CTNNBIP1: variants seen among roughly 807,000 people sequenced by gnomAD.
CTNNBIP1 encodes the protein beta-catenin-interacting protein 1.
CTNNBIP1 carries 7 observed loss-of-function variants against 11.8 expected under a neutral mutation model. That is an observed-to-expected ratio of 0.60 (90% confidence interval 0.34 to 1.12). The LOEUF is 1.12. Ranked by LOEUF, CTNNBIP1 falls within the 50% of genes most tolerant of loss-of-function variation. The probability of loss-of-function intolerance (pLI) is 0.03; values close to 1 mark genes in which losing one functional copy is unlikely to be tolerated. For missense variants in CTNNBIP1, 101 were observed against 113.4 expected (o/e 0.89, Z 0.50); for synonymous variants, 58 against 43.9 (o/e 1.32, Z -1.26).
chr1:9,866,222 G>A (rs2101466905), intron 5 of CTNNBIP1, among the ~76,000 whole-genome samples: 1 of 152,350 alleles, frequency 6.6e-6, no homozygotes, highest in Non-Finnish European at 1.5e-5. Flanking sequence ...GCAGGGGGCA[G>A]GGGAGTAAGG....
At chr1:9,864,615 A>G (rs2101462666) in intron 5 of CTNNBIP1, among the ~76,000 whole-genome samples, 1 of 152,310 alleles carries the variant, frequency 6.6e-6, no homozygotes, top group Non-Finnish European at 1.5e-5. Flanking sequence ...GGTGTGAGCC[A>G]CCGTGCCTGG....
intron 5 of CTNNBIP1, among the ~76,000 whole-genome samples, chr1:9,864,492 C>G (rs1266112700): frequency 1.3e-5 from 2 of 152,206 alleles, no homozygotes; most frequent in African/African-American, 4.8e-5. Flanking sequence ...CCACGCCCGG[C>G]TAATTTTTTG....
rs777772805 is a variant in CTNNBIP1 at position 9,870,192 on chromosome 1, C to T, written c.187+995G>A. 2.6e-5 allele frequency among the ~76,000 whole-genome samples: 4 copies of T among 152,362 alleles called. No homozygotes were observed. The South Asian group carries it at 6.2e-4, about 24-fold the overall frequency. On this transcript the variant is annotated intron_variant, in intron 5 of 5. Transcript: ENST00000377263. ...CATGCCAGCCTCAAAGCACAGCAAACGCAGCCGTCAGCACTCTGCTTTCGG... is the reference window on the plus strand; with the variant it reads ...CATGCCAGCCTCAAAGCACAGCAAATGCAGCCGTCAGCACTCTGCTTTCGG...
In CTNNBIP1 at chr1:9,850,617, G is replaced by A. The variant is rs1132236; in HGVS notation, c.*101C>T. ...CAGGGCAGGGTTGGGTAGGGGAAGG[G>A]GGAGGTGGGGCAAGGGGGGCTGCTG... On this transcript the variant is annotated 3_prime_UTR_variant, in exon 6 of 6. Coordinates refer to ENST00000377263, the MANE Select transcript of CTNNBIP1 (RefSeq NM_020248.3). 1 of 1,050,606 alleles carries A rather than the reference G, an allele frequency of 9.5e-7. No individual in the cohort carries two copies. The highest frequency in any genetic ancestry group is 1.5e-6 in the Non-Finnish European group (1 of 670,546). The allele number at this position is 1,050,606 out of a possible 1,614,324, so 65.1% of individuals were successfully genotyped here.
chr1:9,885,192 C>T (rs570871537), intron 1 of CTNNBIP1, among the ~76,000 whole-genome samples: 12 of 152,032 alleles, frequency 7.9e-5, no homozygotes, highest in Non-Finnish European at 1.5e-4. Context: ...ACAGGGAGCG[C>T]ACTGTGGGAT....
chr1:9,907,792 G>A (rs764458782), intron 1 of CTNNBIP1, among the ~76,000 whole-genome samples: 11 of 152,158 alleles, frequency 7.2e-5, no homozygotes, highest in South Asian at 4.1e-4. Context: ...CCACCTCTTC[G>A]TTTCCACTGC....
chr1:9,893,457 C>A (rs1282076742), intron 1 of CTNNBIP1, among the ~76,000 whole-genome samples: 1 of 152,130 alleles, frequency 6.6e-6, no homozygotes, highest in African/African-American at 2.4e-5. Context: ...GTTAAGAGCT[C>A]CCCTGGCAAA....
intron 1 of CTNNBIP1, among the ~76,000 whole-genome samples, chr1:9,889,193 G>A (rs561601186): frequency 3.8e-4 from 58 of 152,302 alleles, no homozygotes; most frequent in Middle Eastern, 6.8e-3. Flanking sequence ...AAAAGAAAGG[G>A]CTCCTTCTGT....
chr1:9,889,704 G>A (rs1242066412), intron 1 of CTNNBIP1, among the ~76,000 whole-genome samples: 1 of 152,188 alleles, frequency 6.6e-6, no homozygotes, highest in Non-Finnish European at 1.5e-5. Flanking sequence ...AGCTCTTTGA[G>A]GACAGACCGG....
intron 5 of CTNNBIP1, among the ~76,000 whole-genome samples, chr1:9,854,887 G>A (rs1351145804): frequency 6.6e-6 from 1 of 152,102 alleles, no homozygotes; most frequent in African/African-American, 2.4e-5. Context: ...ATGTTGTCCA[G>A]GCTGGTCTCG....
intron 1 of CTNNBIP1, among the ~76,000 whole-genome samples, chr1:9,890,801 A>ACGCTTTTT (rs1639286525): frequency 6.6e-6 from 1 of 152,152 alleles, no homozygotes; most frequent in South Asian, 2.1e-4. Context: ...AGGTAGAGGA[A>ACGCTTTTT]CGCTTTTTCT....
At chr1:9,898,216 G>A (rs1463885508) in intron 1 of CTNNBIP1, among the ~76,000 whole-genome samples, 1 of 151,452 alleles carries the variant, frequency 6.6e-6, no homozygotes, top group African/African-American at 2.4e-5. Context: ...AACTCTGCAT[G>A]AAAAAATATA....
intron 2 of CTNNBIP1, among the ~76,000 whole-genome samples, chr1:9,881,393 G>A (rs1031304750): frequency 1.6e-5 from 2 of 128,078 alleles, no homozygotes; most frequent in Admixed American, 1.9e-4. Flanking sequence ...AGGCTGGAGT[G>A]TAATGGCACG....
intron 5 of CTNNBIP1, among the ~76,000 whole-genome samples, chr1:9,861,436 G>A (rs1442944750): frequency 2.0e-5 from 3 of 152,188 alleles, no homozygotes; most frequent in South Asian, 2.1e-4. Context: ...CAGCTCTGAT[G>A]CTCCAGAGTC....
intron 2 of CTNNBIP1, among the ~76,000 whole-genome samples, chr1:9,880,009 G>T (rs1347487569): frequency 6.6e-6 from 1 of 152,066 alleles, no homozygotes; most frequent in Non-Finnish European, 1.5e-5. Context: ...TGTGCAGAAC[G>T]TGCAGGTTAC....
In CTNNBIP1 at chr1:9,888,812, C is replaced by G. The variant is rs12082987; in HGVS notation, c.-143-5074G>C. On this transcript the variant is annotated intron_variant, in intron 1 of 5. Coordinates refer to ENST00000377263, the MANE Select transcript of CTNNBIP1 (RefSeq NM_020248.3). ...CCGAGATCAGAGTAGCCCGCCTGTCCCCTTCACAGCAGTGCCGTGCACGCT... is the reference window on the plus strand; with the variant it reads ...CCGAGATCAGAGTAGCCCGCCTGTCGCCTTCACAGCAGTGCCGTGCACGCT... Among the ~76,000 whole-genome samples the G allele has an allele frequency of 3.5e-3, 532 of 152,328 alleles. 4 individuals carry two copies. Among genetic ancestry groups the G allele is most frequent in the African/African-American group, 0.012 (490 of 41,570 alleles).
chr1:9,866,751 G>T (rs558542989), intron 5 of CTNNBIP1, among the ~76,000 whole-genome samples: 1 of 152,188 alleles, frequency 6.6e-6, no homozygotes, highest in South Asian at 2.1e-4. Flanking sequence ...CTCCAGCTGT[G>T]GGGGTAGAGA....
rs1438751455 is a variant in CTNNBIP1, at chr1:9,867,426, T to C, written c.187+3761A>G. Among the ~76,000 whole-genome samples, 1 of 152,150 alleles carries C rather than the reference T, an allele frequency of 6.6e-6. No homozygotes were observed. Among genetic ancestry groups the C allele is most frequent in the Non-Finnish European group, 1.5e-5 (1 of 67,996 alleles). Reference sequence around the variant, plus strand: ...AAAGGGGTGCCCACGGCCCCCTCCCTGGGCCTCAAGTAAGGGAGCAGTGCC... The same window carrying C: ...AAAGGGGTGCCCACGGCCCCCTCCCCGGGCCTCAAGTAAGGGAGCAGTGCC... On this transcript the variant is annotated intron_variant, in intron 5 of 5. Transcript: ENST00000377263. The surrounding 1 kb of genome is among the most constrained non-coding windows in gnomAD (Gnocchi z 4.6).
chr1:9,884,269 G>A (rs1639141221), intron 1 of CTNNBIP1, among the ~76,000 whole-genome samples: 2 of 152,154 alleles, frequency 1.3e-5, no homozygotes, highest in South Asian at 4.1e-4. Flanking sequence ...AGCAGGGAGG[G>A]AGAGATCAGC....
Sources: gnomAD v4.1 joint callset for allele counts (sites outside exome capture counted in the v4.1 genomes callset) on GRCh38, gnomAD v4.1.1 for gene constraint, Gnocchi (gnomAD v3.1) non-coding constraint, MANE v1.5 for transcripts, NCBI Gene and HGNC (gene_info 2026-07-23, HGNC 2026-07-21) for gene names.